The following CNIH3 variants were observed in gnomAD, a reference collection of about 807,000 sequenced individuals.
CNIH3 encodes cornichon family AMPA receptor auxiliary protein 3.
CNIH3 carries 14 observed loss-of-function variants against 24.1 expected under a neutral mutation model. That is an observed-to-expected ratio of 0.58 (90% CI 0.38 to 0.91). CNIH3 has a LOEUF of 0.91. Ranked by LOEUF, CNIH3 falls within the 40% of genes least tolerant of loss-of-function variation. CNIH3 has a pLI of 0.00. For synonymous variants in CNIH3, 68 were observed against 73.8 expected (o/e 0.92, Z 0.40); for missense variants, 178 against 196.8 (o/e 0.90, Z 0.57).
chr1:224,676,552 A>G (rs1414171538), intron 1 of CNIH3, among the ~76,000 whole-genome samples: 1 of 152,226 alleles, frequency 6.6e-6, no homozygotes, highest in East Asian at 1.9e-4. Flanking sequence ...TTGGTTTAGC[A>G]GTTAAAGTTC....
chr1:224,704,938 C>T lies in CNIH3; in HGVS notation c.198+20095C>T, dbSNP rs1461053724. ...CAGCCTGACCAATGTGATGAAACCCCGTCTCTAGTAAAAAATACAAAAATT... is the reference window on the plus strand; with the variant it reads ...CAGCCTGACCAATGTGATGAAACCCTGTCTCTAGTAAAAAATACAAAAATT... On this transcript the variant is annotated intron_variant, in intron 3 of 5. Transcript: ENST00000272133. This position sits in a 1 kb window ranked among gnomAD's most constrained non-coding sequence, Gnocchi z 4.2. Among the ~76,000 whole-genome samples, 2 of 152,002 alleles carry T rather than the reference C, an allele frequency of 1.3e-5. No homozygotes were observed. The highest frequency in any genetic ancestry group is 1.9e-4 in the East Asian group (1 of 5,184).
At chr1:224,571,282 G>A (rs1369885777) in intron 4 of CNIH3, among the ~76,000 whole-genome samples, 6 of 152,178 alleles carry the variant, frequency 3.9e-5, no homozygotes, top group Admixed American at 3.9e-4. Context: ...ATGCAAGATT[G>A]TCACTCTTTA....
intron 1 of CNIH3, among the ~76,000 whole-genome samples, chr1:224,671,346 A>G (rs2125130567): frequency 6.6e-6 from 1 of 152,312 alleles, no homozygotes; most frequent in South Asian, 2.1e-4. Context: ...TCATACGGGC[A>G]TAAGTAGACC....
chr1:224,641,983 A>G (rs1004205367), intron 1 of CNIH3, among the ~76,000 whole-genome samples: 2 of 152,236 alleles, frequency 1.3e-5, no homozygotes, highest in Non-Finnish European at 2.9e-5. Context: ...GTGAATCACC[A>G]GAAAACATCT....
chr1:224,551,152 G>A (rs1254643176), intron 3 of CNIH3, among the ~76,000 whole-genome samples: 3 of 152,156 alleles, frequency 2.0e-5, no homozygotes, highest in Non-Finnish European at 2.9e-5. Context: ...CATTGTGGAA[G>A]TCAGTGTGGC....
chr1:224,734,877 T>C (rs572964409), intron 5 of CNIH3, among the ~76,000 whole-genome samples, 171 bp downstream of exon 5: 7 of 152,158 alleles, frequency 4.6e-5, no homozygotes, highest in Non-Finnish European at 1.0e-4. Flanking sequence ...GGCTTCTGTA[T>C]AAACAAGTAA....
intron 3 of CNIH3, among the ~76,000 whole-genome samples, chr1:224,699,763 C>G (rs967449488): frequency 6.6e-6 from 1 of 152,154 alleles, no homozygotes; most frequent in African/African-American, 2.4e-5. Flanking sequence ...CATACCTTAT[C>G]TATGATAAAA....
intron 5 of CNIH3, among the ~76,000 whole-genome samples, chr1:224,734,926 C>T (rs1018142494): frequency 3.9e-5 from 6 of 152,160 alleles, no homozygotes; most frequent in Non-Finnish European, 8.8e-5. Flanking sequence ...GCCTGCTGAT[C>T]GGCACATCCT....
intron 1 of CNIH3, among the ~76,000 whole-genome samples, chr1:224,673,022 G>A (rs947421083): frequency 1.3e-5 from 2 of 152,176 alleles, no homozygotes; most frequent in Non-Finnish European, 2.9e-5. Flanking sequence ...TAGGATTCAT[G>A]ATCTCTTTAA....
At chr1:224,631,139 G>A (rs966326831) in intron 1 of CNIH3, among the ~76,000 whole-genome samples, 1 of 151,972 alleles carries the variant, frequency 6.6e-6, no homozygotes, top group Non-Finnish European at 1.5e-5. Context: ...CTCTATCCTG[G>A]GCGACAGAGT....
chr1:224,728,059 G>A (rs1272690066), intron 3 of CNIH3, among the ~76,000 whole-genome samples: 1 of 152,108 alleles, frequency 6.6e-6, no homozygotes, highest in Non-Finnish European at 1.5e-5. Context: ...ATTAAGAGTG[G>A]GACCTGAAAT....
chr1:224,467,534 C>T (rs573260629), intron 1 of CNIH3, among the ~76,000 whole-genome samples: 1 of 152,332 alleles, frequency 6.6e-6, no homozygotes, highest in South Asian at 2.1e-4. Flanking sequence ...AGCAATTCTC[C>T]TGCCTCAGCC....
chr1:224,641,862 C>T (rs1684376832), intron 1 of CNIH3, among the ~76,000 whole-genome samples: 1 of 152,198 alleles, frequency 6.6e-6, no homozygotes, highest in Admixed American at 6.5e-5. Flanking sequence ...TCCCAGGCCC[C>T]CACCTTGGAA....
At chr1:224,532,239 A>G (rs964277782) in intron 2 of CNIH3, among the ~76,000 whole-genome samples, 1 of 152,212 alleles carries the variant, frequency 6.6e-6, no homozygotes, top group Non-Finnish European at 1.5e-5. Context: ...CAAAGGCTCT[A>G]GAGAGTGCGA....
Position 224,617,082 on chromosome 1 carries a change from A to T in CNIH3, c.-93A>T, listed in dbSNP as rs1683039467. The T allele has an allele frequency of 6.4e-7, 1 of 1,553,208 alleles. No individual in the cohort carries two copies. The highest frequency in any genetic ancestry group is 1.4e-5 in the African/African-American group (1 of 72,998). ...CACTAGCCTGGAGAGGAGCGTGCAG[A>T]CGCGGCTCCTTGGAGGGAGTGCGGT... On this transcript the variant is annotated 5_prime_UTR_variant, in exon 1 of 6. Coordinates refer to ENST00000272133, the MANE Select transcript of CNIH3 (RefSeq NM_152495.2).
Position 224,574,723 on chromosome 1 carries a change from T to C in CNIH3, n.517-8441T>C. The C allele has an allele frequency of 1.2e-5, 14 of 1,194,990 alleles. No homozygotes were observed. In the South Asian group the frequency reaches 1.7e-4, roughly 15 times the overall value. The allele number at this position is 1,194,990 out of a possible 1,614,324, so 74.0% of individuals were successfully genotyped here. A position where few individuals can be genotyped will look rare whatever the true frequency, so the allele number is the denominator to read the frequency against. On this transcript the variant is annotated intron_variant and non_coding_transcript_variant, in intron 4 of 5. Coordinates refer to the CNIH3 transcript ENST00000471578. ...GTGAAAGGAGCCTGCCAGAAGATGC[T>C]CATTGACCTGAAGCTGGACTACCTG... is the stretch of plus-strand genomic sequence containing the variant.
At chr1:224,530,543 A>G (rs1679021249) in intron 2 of CNIH3, among the ~76,000 whole-genome samples, 1 of 152,050 alleles carries the variant, frequency 6.6e-6, no homozygotes, top group African/African-American at 2.4e-5. Flanking sequence ...CACATCCAAA[A>G]CTACACAGCT....
chr1:224,738,303 T>C (rs1044608610), intron 5 of CNIH3, among the ~76,000 whole-genome samples: 1 of 152,224 alleles, frequency 6.6e-6, no homozygotes, highest in Admixed American at 6.5e-5. Flanking sequence ...AGTACTGTTA[T>C]GCAAAAAGCA....
At chr1:224,599,587 CA>C (rs1192178388) in intron 3 of CNIH3, among the ~76,000 whole-genome samples, 6 of 151,570 alleles carry the variant, frequency 4.0e-5, no homozygotes, top group African/African-American at 1.5e-4. Flanking sequence ...TTTATTTGAT[CA>C]CAATCATTTT....
Sources: gnomAD v4.1 joint callset for allele counts (sites outside exome capture counted in the v4.1 genomes callset) on GRCh38, gnomAD v4.1.1 for gene constraint, Gnocchi (gnomAD v3.1) non-coding constraint, MANE v1.5 for transcripts, NCBI Gene and HGNC (gene_info 2026-07-23, HGNC 2026-07-21) for gene names.